The following PLCL1 variants were observed in gnomAD, a reference collection of about 807,000 sequenced individuals.
PLCL1 encodes inactive phospholipase C-like protein 1.
A neutral mutation model predicts 84.4 loss-of-function variants in PLCL1; 41 were observed. That is an observed-to-expected ratio of 0.49 (90% CI 0.38 to 0.63). PLCL1 has a LOEUF of 0.63. Among genes scored for constraint, PLCL1 ranks in the 30% least tolerant of loss-of-function variants. The pLI is 0.00. For synonymous variants in PLCL1, 490 were observed against 488.3 expected, an observed-to-expected ratio of 1.00 and a Z score of -0.05; for missense variants, 1,206 against 1,367.8, an observed-to-expected ratio of 0.88 and a Z score of 1.87.
intron 1 of PLCL1, among the ~76,000 whole-genome samples, chr2:197,845,089 T>C (rs1687096125): frequency 6.6e-6 from 1 of 152,156 alleles, no homozygotes; most frequent in African/African-American, 2.4e-5. Flanking sequence ...TTCAGCCTTA[T>C]GGCTGTGTTT....
At position 198,083,940 on chromosome 2, in the gene PLCL1, T is replaced by G. The variant is rs1437567737; in HGVS notation, c.423T>G (p.Leu141=). 1.2e-6 allele frequency: 2 copies of G among 1,614,110 alleles called. No individual in the cohort carries two copies. The highest frequency in any genetic ancestry group is 2.2e-5 in the South Asian group (2 of 91,078). ...YNRFFTLDTD[L]QALRWEPSKK... Reference sequence around the variant, plus strand: ...GTTTTTTCACTCTGGACACAGACCTTCAAGCTCTTCGCTGGGAACCTTCAA... The same window carrying G: ...GTTTTTTCACTCTGGACACAGACCTGCAAGCTCTTCGCTGGGAACCTTCAA... The change falls in exon 2 of 6, where the codon CTT becomes CTG. Residue 141 remains leucine (L), a synonymous_variant. Transcript: ENST00000428675.
intron 1 of PLCL1, among the ~76,000 whole-genome samples, chr2:198,026,674 TA>T (rs1691273172): frequency 6.6e-6 from 1 of 152,144 alleles, no homozygotes; most frequent in African/African-American, 2.4e-5. Context: ...ATAACTTGAT[TA>T]AAAATTGGGC....
At chr2:197,850,045 C>CAG (rs1687202727) in intron 1 of PLCL1, among the ~76,000 whole-genome samples, 1 of 148,190 alleles carries the variant, frequency 6.7e-6, no homozygotes, top group African/African-American at 2.6e-5. Flanking sequence ...CACACACACA[C>CAG]ACACACACAC....
chr2:198,023,061 A>G (rs188138493), intron 1 of PLCL1, among the ~76,000 whole-genome samples: 275 of 152,302 alleles, frequency 1.8e-3, no homozygotes, highest in African/African-American at 5.9e-3. Flanking sequence ...ATATAGACCA[A>G]TGGAACAGAA....
At chr2:198,057,520 C>A (rs777620654) in intron 1 of PLCL1, among the ~76,000 whole-genome samples, 13 of 152,044 alleles carry the variant, frequency 8.6e-5, no homozygotes, top group Non-Finnish European at 1.3e-4. Context: ...AATAGAAAAG[C>A]AGTAATAAAA....
At chr2:197,923,298 G>C (rs1438728073) in intron 1 of PLCL1, among the ~76,000 whole-genome samples, 1 of 146,872 alleles carries the variant, frequency 6.8e-6, no homozygotes, top group Non-Finnish European at 1.5e-5. Context: ...GCTGCCGGGC[G>C]GAGACGCTCC....
At chr2:197,851,448 T>A (rs1049197142) in intron 1 of PLCL1, among the ~76,000 whole-genome samples, 1 of 152,224 alleles carries the variant, frequency 6.6e-6, no homozygotes, top group Non-Finnish European at 1.5e-5. Flanking sequence ...TAGCTATCTG[T>A]CTGGAATAAA....
At chr2:197,843,011 G>A (rs868135976) in intron 1 of PLCL1, among the ~76,000 whole-genome samples, 1 of 152,120 alleles carries the variant, frequency 6.6e-6, no homozygotes, top group Non-Finnish European at 1.5e-5. Flanking sequence ...TTTGTATTCT[G>A]TTACTCCTTT....
Position 197,901,183 on chromosome 2 carries a change from A to C in PLCL1, c.240+95844A>C, listed in dbSNP as rs1688259334. On this transcript the variant is annotated intron_variant, in intron 1 of 5. Coordinates refer to ENST00000428675, the MANE Select transcript of PLCL1 (RefSeq NM_006226.4). ...GTGAAGCTTTTTCGAATCAGAATCC[A>C]GAATCAGTATATGAGGAGACTTTTA... 3.3e-5 allele frequency among the ~76,000 whole-genome samples: 5 copies of C among 152,360 alleles called. No homozygotes were observed. The South Asian group carries it at 1.0e-3, about 32-fold the overall frequency.
chr2:197,954,869 G>A (rs1689455024), intron 1 of PLCL1, among the ~76,000 whole-genome samples: 1 of 152,030 alleles, frequency 6.6e-6, no homozygotes, highest in South Asian at 2.1e-4. Flanking sequence ...GGAGGCTAAA[G>A]TGTATTACAG....
rs1189544904 is a variant in PLCL1, at chr2:198,085,687, C to A, written c.2170C>A (p.His724Asn). ...ILPGVSPLAL[H>N]IKIISGQNFP... ...ACCTGGGGTGTCTCCTCTAGCTCTT[C>A]ATATCAAGATCATCAGTGGTCAGAA... The change falls in exon 2 of 6, where the codon CAT becomes AAT. Residue 724 changes from histidine to asparagine, a missense_variant. Transcript: ENST00000428675. The surrounding 1 kb of genome is among the most constrained non-coding windows in gnomAD (Gnocchi z 5.3). The A allele has an allele frequency of 1.2e-6, 2 of 1,614,120 alleles. No homozygotes were observed. The highest frequency in any genetic ancestry group is 2.7e-5 in the African/African-American group (2 of 75,040).
At chr2:198,143,101 G>T (rs1694426913) in intron 5 of PLCL1, among the ~76,000 whole-genome samples, 1 of 152,082 alleles carries the variant, frequency 6.6e-6, no homozygotes, top group African/African-American at 2.4e-5. Context: ...TGACTTGTTA[G>T]GTTACTCTTT....
intron 1 of PLCL1, among the ~76,000 whole-genome samples, chr2:198,061,317 T>A (rs1362070929): frequency 6.6e-6 from 1 of 152,184 alleles, no homozygotes; most frequent in Non-Finnish European, 1.5e-5. Context: ...CAATTTCTAT[T>A]GTTTCTTGAA....
At position 198,146,837 on chromosome 2, in the gene PLCL1, A is replaced by G; in HGVS notation, c.3163A>G (p.Ile1055Val). The G allele has an allele frequency of 1.9e-6, 3 of 1,613,612 alleles. No individual in the cohort carries two copies. The highest frequency in any genetic ancestry group is 2.5e-6 in the Non-Finnish European group (3 of 1,179,720). The change falls in exon 6 of 6, where the codon ATC (isoleucine) becomes GTC (valine). Residue 1055 changes from isoleucine to valine, a missense_variant. Ile to Val is a conservative substitution (Grantham distance 29). Coordinates refer to ENST00000428675, the MANE Select transcript of PLCL1 (RefSeq NM_006226.4). ...TGAAGCTATAGAAAACATGAAGCAG[A>G]TCCAGCTGGCATGCCTGTCCTGTGG... ...KNEAIENMKQ[I>V]QLACLSCGLS... is the part of the protein sequence containing the mutation.
chr2:197,964,545 C>G (rs1479475241), intron 1 of PLCL1, among the ~76,000 whole-genome samples: 1 of 152,028 alleles, frequency 6.6e-6, no homozygotes, highest in Non-Finnish European at 1.5e-5. Flanking sequence ...CATCTGCAAA[C>G]AAGGAAATTT....
In PLCL1 at chr2:198,084,869, A is replaced by G. The variant is rs746452778; in HGVS notation, c.1352A>G (p.Asp451Gly). ...GAACTCGATGTAAGTGATGGTTCAGATAATGAACCAATCCTTTGTAATCGA... is the reference window on the plus strand; with the variant it reads ...GAACTCGATGTAAGTGATGGTTCAGGTAATGAACCAATCCTTTGTAATCGA... ...SVELDVSDGS[D>G]NEPILCNRNN... Residue 451 changes from aspartate to glycine, a missense_variant, in exon 2 of 6, where the codon GAT becomes GGT. Coordinates refer to ENST00000428675, the MANE Select transcript of PLCL1 (RefSeq NM_006226.4). 2 of 1,613,840 alleles carry G rather than the reference A, an allele frequency of 1.2e-6. No homozygotes were observed. The highest frequency in any genetic ancestry group is 1.3e-5 in the African/African-American group (1 of 74,928).
chr2:198,114,812 C>CAT (rs1574322892), intron 5 of PLCL1, among the ~76,000 whole-genome samples: 5 of 73,512 alleles, frequency 6.8e-5, no homozygotes, highest in South Asian at 4.7e-4. Context: ...TGTGTGTGTG[C>CAT]ATATATATAT....
At chr2:197,855,991 C>G (rs1448787961) in intron 1 of PLCL1, among the ~76,000 whole-genome samples, 1 of 152,158 alleles carries the variant, frequency 6.6e-6, no homozygotes, top group African/African-American at 2.4e-5. Context: ...CTCCTTTGAA[C>G]CTAAAACAGA....
intron 1 of PLCL1, among the ~76,000 whole-genome samples, chr2:198,004,145 T>TC (rs1690671330): frequency 6.6e-6 from 1 of 152,158 alleles, no homozygotes; most frequent in South Asian, 2.1e-4. Flanking sequence ...TAGCTTTTTT[T>TC]TTTAAAAGCA....
Sources: allele counts gnomAD v4.1 joint callset (sites outside exome capture counted in the v4.1 genomes callset), GRCh38; gene constraint gnomAD v4.1.1; non-coding constraint Gnocchi (gnomAD v3.1); transcripts MANE v1.5; gene names NCBI Gene and HGNC (gene_info 2026-07-23, HGNC 2026-07-21).